Variants in GOPC observed in about 807,000 individuals in gnomAD.
The protein encoded by GOPC is Golgi-associated PDZ and coiled-coil motif-containing protein.
GOPC carries 32 observed loss-of-function variants against 51.2 expected under a neutral mutation model. The observed-to-expected ratio is 0.63, with a 90% confidence interval of 0.47 to 0.84. The LOEUF is 0.84. Among genes scored for constraint, GOPC ranks in the 40% least tolerant of loss-of-function variants. The probability of loss-of-function intolerance (pLI) is 0.00; values close to 1 mark genes in which losing one functional copy is unlikely to be tolerated. For missense variants in GOPC, 441 were observed against 555.5 expected (o/e 0.79, Z 2.07); for synonymous variants, 190 against 205.1 (o/e 0.93, Z 0.63).
chr6:117,567,933 G>C (rs375091381), intron 7 of GOPC, among the ~76,000 whole-genome samples: 2 of 149,392 alleles, frequency 1.3e-5, no homozygotes, highest in African/African-American at 4.9e-5. Context: ...GCTTACACCT[G>C]TAATCCCAGC....
chr6:117,572,636 A>G (rs1779822236), intron 5 of GOPC, among the ~76,000 whole-genome samples: 1 of 152,068 alleles, frequency 6.6e-6, no homozygotes. Context: ...ACTCAGACAC[A>G]TCTGATACAA....
chr6:117,569,904 T>A, intron 6 of GOPC, 168 bp from the exon 7 acceptor site: 1 of 744,734 alleles, frequency 1.3e-6, no homozygotes, highest in Non-Finnish European at 1.9e-6. Context: ...GTAAAAATTA[T>A]CAGAGTATTG....
At chr6:117,588,188 T>C (rs995378799) in intron 1 of GOPC, among the ~76,000 whole-genome samples, 13 of 152,120 alleles carry the variant, frequency 8.5e-5, no homozygotes, top group South Asian at 4.1e-4. Flanking sequence ...GGGTAATTTA[T>C]AAATATTATT....
intron 1 of GOPC, among the ~76,000 whole-genome samples, chr6:117,600,332 G>A (rs1178017295): frequency 3.3e-5 from 5 of 152,158 alleles, no homozygotes; most frequent in African/African-American, 1.2e-4. Context: ...CAATCTATAA[G>A]TGGATTAATC....
intron 1 of GOPC, among the ~76,000 whole-genome samples, chr6:117,589,162 C>T (rs527896211): frequency 1.1e-4 from 16 of 152,176 alleles, no homozygotes; most frequent in South Asian, 2.1e-4. Context: ...CCACAGGCTG[C>T]GGGTTAGACA....
intron 8 of GOPC, among the ~76,000 whole-genome samples, chr6:117,565,646 T>A (rs1206338883): frequency 6.6e-6 from 1 of 152,138 alleles, no homozygotes; most frequent in Non-Finnish European, 1.5e-5. Flanking sequence ...AAAGCTTAAG[T>A]GTTAGGAAGC....
intron 1 of GOPC, among the ~76,000 whole-genome samples, chr6:117,591,104 A>T (rs986422938): frequency 4.6e-5 from 7 of 152,140 alleles, no homozygotes; most frequent in African/African-American, 1.7e-4. Flanking sequence ...TGCCCACCTC[A>T]GTCTCCCAAA....
intron 7 of GOPC, 103 bp downstream of exon 7, chr6:117,569,469 T>G: frequency 6.9e-7 from 1 of 1,450,056 alleles, no homozygotes; most frequent in Non-Finnish European, 9.3e-7. Flanking sequence ...GAACTATGTG[T>G]AAACACTTTA....
chr6:117,588,148 C>T (rs1336989993), intron 1 of GOPC, among the ~76,000 whole-genome samples: 2 of 152,004 alleles, frequency 1.3e-5, no homozygotes, highest in African/African-American at 2.4e-5. Context: ...CTGTATTAGT[C>T]TTCACTGCTA....
At chr6:117,590,099 A>T (rs1251620718) in intron 1 of GOPC, among the ~76,000 whole-genome samples, 2 of 152,224 alleles carry the variant, frequency 1.3e-5, no homozygotes, top group East Asian at 3.8e-4. Flanking sequence ...AGCTCTCATG[A>T]AGCTTATATT....
intron 1 of GOPC, among the ~76,000 whole-genome samples, chr6:117,586,008 T>C (rs1487748404): frequency 6.6e-6 from 1 of 152,254 alleles, no homozygotes; most frequent in African/African-American, 2.4e-5. Flanking sequence ...CATCTACCTA[T>C]AATTGCTTCT....
chr6:117,600,450 G>A (rs970697635), intron 1 of GOPC, among the ~76,000 whole-genome samples: 56 of 152,220 alleles, frequency 3.7e-4, no homozygotes, highest in Middle Eastern at 3.4e-3. Context: ...CGAAATTTGG[G>A]GGACACATTC....
chr6:117,570,437 A>C (rs1779787917), intron 6 of GOPC, among the ~76,000 whole-genome samples: 1 of 152,124 alleles, frequency 6.6e-6, no homozygotes, highest in Admixed American at 6.6e-5. Flanking sequence ...AATTTAAAAA[A>C]AAGAATATAT....
intron 7 of GOPC, among the ~76,000 whole-genome samples, chr6:117,568,378 T>TTA (rs1779741038): frequency 6.6e-6 from 1 of 152,176 alleles, no homozygotes; most frequent in South Asian, 2.1e-4. Flanking sequence ...ACTCACTAAG[T>TTA]TAGTCTCTTT....
chr6:117,599,228 C>T (rs1219141282), intron 1 of GOPC, among the ~76,000 whole-genome samples: 1 of 151,946 alleles, frequency 6.6e-6, no homozygotes, highest in Non-Finnish European at 1.5e-5. Flanking sequence ...AGGTATTAAC[C>T]TCTGAAACCA....
intron 1 of GOPC, among the ~76,000 whole-genome samples, chr6:117,591,257 G>A (rs9689787): frequency 0.019 from 2,950 of 152,054 alleles, 81 homozygotes; most frequent in African/African-American, 0.067. Context: ...TGGTTTGGGA[G>A]CATGGAAGCA....
rs76241114 is a variant in GOPC, at chr6:117,577,199, A to T, written c.474+249T>A. Among the ~76,000 whole-genome samples, 1,026 of 152,222 alleles carry T rather than the reference A, an allele frequency of 6.7e-3. 3 individuals carry two copies. The highest frequency in any genetic ancestry group is 0.011 in the Non-Finnish European group (779 of 67,926). ...TATGAGCAAGCTACAAGGCTCAAAAATTGTCAAAAATTGACAGGCTCTGCA... is the reference window on the plus strand; with the variant it reads ...TATGAGCAAGCTACAAGGCTCAAAATTTGTCAAAAATTGACAGGCTCTGCA... On this transcript the variant is annotated intron_variant, in intron 3 of 8. Transcript: ENST00000368498.
chr6:117,563,425 TAA>T, intron 8 of GOPC, 41 bp from the exon 9 acceptor site: 1 of 1,606,866 alleles, frequency 6.2e-7, no homozygotes, highest in South Asian at 1.1e-5. Context: ...CTTTCTGGTT[TAA>T]AAAGTTGGTT....
intron 1 of GOPC, among the ~76,000 whole-genome samples, chr6:117,584,124 AAAC>A (rs1316986023): frequency 2.0e-5 from 3 of 152,204 alleles, no homozygotes; most frequent in South Asian, 4.1e-4. Context: ...ATTAGTGGGA[AAAC>A]AACCACAACC....
Sources: gnomAD v4.1 joint callset for allele counts (sites outside exome capture counted in the v4.1 genomes callset) on GRCh38, gnomAD v4.1.1 for gene constraint, MANE v1.5 for transcripts, NCBI Gene and HGNC (gene_info 2026-07-23, HGNC 2026-07-21) for gene names.